USH2A: variants seen among roughly 807,000 people sequenced by gnomAD.
USH2A encodes usherin.
In USH2A, 443 loss-of-function variants were observed where a neutral mutation model predicts 538.9. The observed-to-expected ratio is 0.82, with a 90% CI of 0.76 to 0.89. USH2A has a LOEUF of 0.89. Among genes scored for constraint, USH2A ranks in the 40% least tolerant of loss-of-function variants. The probability of loss-of-function intolerance (pLI) is 0.00; values close to 1 mark genes in which losing one functional copy is unlikely to be tolerated. For missense variants in USH2A, 6,633 were observed against 6,324.8 expected (o/e 1.05, Z -1.65); for synonymous variants, 2,413 against 2,273.5 (o/e 1.06, Z -1.75).
chr1:215,943,511 C>T (rs1361565001), intron 37 of USH2A, among the ~76,000 whole-genome samples: 1 of 152,046 alleles, frequency 6.6e-6, no homozygotes, highest in Non-Finnish European at 1.5e-5. Context: ...AGAAACATAA[C>T]TTAATTTTCT....
At chr1:216,314,417 T>G (rs1292161256) in intron 9 of USH2A, among the ~76,000 whole-genome samples, 1 of 151,956 alleles carries the variant, frequency 6.6e-6, no homozygotes, top group Non-Finnish European at 1.5e-5. Flanking sequence ...TATATAAAAA[T>G]GAATTAATTT....
Position 216,272,396 on chromosome 1 carries a change from C to T in USH2A, c.1971+16884G>A. Among the ~76,000 whole-genome samples the T allele has an allele frequency of 1.3e-5, 2 of 152,076 alleles. 1 individual carries two copies. Among genetic ancestry groups the T allele is most frequent in the Non-Finnish European group, 2.9e-5 (2 of 68,002 alleles). On this transcript the variant is annotated intron_variant, in intron 11 of 71. Transcript: ENST00000307340. ...GTACTTTGTGTTTTCTGCTCATCAACTTTATTAACCTTTTCAAAGGACAAA... is the reference window on the plus strand; with the variant it reads ...GTACTTTGTGTTTTCTGCTCATCAATTTTATTAACCTTTTCAAAGGACAAA...
chr1:216,331,026 GT>G (rs2037850463), intron 4 of USH2A, among the ~76,000 whole-genome samples: 1 of 151,954 alleles, frequency 6.6e-6, no homozygotes, highest in Non-Finnish European at 1.5e-5. Flanking sequence ...AACCATTTTA[GT>G]TTTAAATTTT....
chr1:216,222,567 G>A (rs572091449), intron 14 of USH2A, among the ~76,000 whole-genome samples: 7 of 152,234 alleles, frequency 4.6e-5, no homozygotes, highest in African/African-American at 1.4e-4. Flanking sequence ...TGTAATCTAC[G>A]GTCCTTATAA....
intron 30 of USH2A, among the ~76,000 whole-genome samples, chr1:216,054,740 C>T (rs2030917008): frequency 7.0e-6 from 1 of 143,608 alleles, no homozygotes; most frequent in Non-Finnish European, 1.5e-5. Flanking sequence ...TTATGTTAAT[C>T]TGTGGGCGGA....
chr1:215,676,608 T>A (rs1233675696), intron 62 of USH2A, among the ~76,000 whole-genome samples: 1 of 152,162 alleles, frequency 6.6e-6, no homozygotes, highest in Admixed American at 6.5e-5. Flanking sequence ...CTCCATTTTT[T>A]CCCTAAGATT....
chr1:215,627,076 A>G (rs1656052358), intron 71 of USH2A, among the ~76,000 whole-genome samples: 1 of 152,222 alleles, frequency 6.6e-6, no homozygotes, highest in African/African-American at 2.4e-5. Context: ...TATATATTAT[A>G]CAATCATTCT....
intron 55 of USH2A, among the ~76,000 whole-genome samples, chr1:215,777,935 G>C (rs954905387): frequency 6.6e-6 from 1 of 152,020 alleles, no homozygotes; most frequent in African/African-American, 2.4e-5. Context: ...TAGAAGTAAG[G>C]TTTTATTATG....
At chr1:215,841,401 A>G (rs988691956) in intron 46 of USH2A, among the ~76,000 whole-genome samples, 1 of 152,162 alleles carries the variant, frequency 6.6e-6, no homozygotes, top group Admixed American at 6.5e-5. Context: ...CACATTTACC[A>G]CTATCTGATC....
intron 20 of USH2A, among the ~76,000 whole-genome samples, chr1:216,178,892 A>G (rs1368932002): frequency 6.6e-6 from 1 of 152,174 alleles, no homozygotes; most frequent in Non-Finnish European, 1.5e-5. Flanking sequence ...ATTCATGACT[A>G]CCATACTGGA....
chr1:216,248,446 C>T (rs1009712719), intron 12 of USH2A, among the ~76,000 whole-genome samples: 2 of 151,844 alleles, frequency 1.3e-5, no homozygotes, highest in Non-Finnish European at 2.9e-5. Context: ...GCTATAATTG[C>T]AATTTAAAAA....
At chr1:215,926,724 T>G (rs1356571826) in intron 38 of USH2A, among the ~76,000 whole-genome samples, 3 of 145,490 alleles carry the variant, frequency 2.1e-5, no homozygotes, top group South Asian at 4.4e-4. Flanking sequence ...TTCAAGCGAT[T>G]CTCCTACCCC....
intron 20 of USH2A, among the ~76,000 whole-genome samples, chr1:216,185,012 G>A (rs2102650073): frequency 6.6e-6 from 1 of 152,066 alleles, no homozygotes; most frequent in South Asian, 2.1e-4. Flanking sequence ...CATAAGAAGG[G>A]TTTAAACTAA....
intron 4 of USH2A, among the ~76,000 whole-genome samples, chr1:216,346,065 G>T (rs537807399): frequency 6.6e-6 from 1 of 151,952 alleles, no homozygotes; most frequent in Non-Finnish European, 1.5e-5. Context: ...TTTGATATGC[G>T]CATGAACATT....
chr1:215,888,289 C>A (rs1371245615), intron 41 of USH2A, 137 bp downstream of exon 41: 6 of 1,380,966 alleles, frequency 4.3e-6, no homozygotes, highest in African/African-American at 1.4e-5. Context: ...GGGCCAAAGG[C>A]CAAAACCCAG....
chr1:216,059,920 T>C (rs1247774092), intron 30 of USH2A, among the ~76,000 whole-genome samples: 8 of 152,162 alleles, frequency 5.3e-5, no homozygotes, highest in Admixed American at 5.2e-4. Flanking sequence ...AGAATCCATG[T>C]TATCAAGATC....
chr1:215,795,923 C>G (rs546556884), intron 50 of USH2A, among the ~76,000 whole-genome samples: 6 of 151,912 alleles, frequency 3.9e-5, no homozygotes, highest in African/African-American at 1.5e-4. Context: ...TTAAAACTTA[C>G]GGCAGAAATT....
At chr1:216,129,531 T>C (rs2033325007) in intron 21 of USH2A, among the ~76,000 whole-genome samples, 1 of 151,784 alleles carries the variant, frequency 6.6e-6, no homozygotes, top group African/African-American at 2.4e-5. Flanking sequence ...ATAAAAACAA[T>C]ACAACATTGA....
At chr1:216,069,812 A>G (rs753680780) in intron 30 of USH2A, among the ~76,000 whole-genome samples, 1 of 152,190 alleles carries the variant, frequency 6.6e-6, no homozygotes, top group Non-Finnish European at 1.5e-5. Context: ...AAAGATGTCT[A>G]TAAGGTGTTA....
Sources: allele counts gnomAD v4.1 joint callset (sites outside exome capture counted in the v4.1 genomes callset), GRCh38; gene constraint gnomAD v4.1.1; transcripts MANE v1.5; gene names NCBI Gene and HGNC (gene_info 2026-07-23, HGNC 2026-07-21).